Variants in MTMR3 observed in about 807,000 individuals in gnomAD.
MTMR3 encodes myotubularin related protein 3, also known as phosphatidylinositol-3,5-bisphosphate 3-phosphatase MTMR3.
A neutral mutation model predicts 132.4 loss-of-function variants in MTMR3; 32 were observed. The observed-to-expected ratio is 0.24, with a 90% CI of 0.18 to 0.32. The LOEUF (loss-of-function observed/expected upper bound fraction) is 0.32. Ranked by LOEUF, MTMR3 falls within the 10% of genes least tolerant of loss-of-function variation. The probability of loss-of-function intolerance (pLI) is 1.00; values close to 1 mark genes in which losing one functional copy is unlikely to be tolerated. For synonymous variants in MTMR3, 556 were observed against 550.3 expected (o/e 1.01, Z -0.14); for missense variants, 1,216 against 1,489.6 (o/e 0.82, Z 3.02).
intron 1 of MTMR3, among the ~76,000 whole-genome samples, chr22:29,892,876 C>T (rs995542839): frequency 6.6e-6 from 1 of 152,230 alleles, no homozygotes; most frequent in African/African-American, 2.4e-5. Flanking sequence ...CCTTAGGTAA[C>T]ATGATGTATA....
intron 7 of MTMR3, chr22:29,992,565 T>G (rs192806393): frequency 3.3e-5 from 5 of 152,352 alleles, no homozygotes; most frequent in African/African-American, 1.2e-4. Context: ...CATAAAACTT[T>G]GCTGGTCCAA....
intron 1 of MTMR3, among the ~76,000 whole-genome samples, chr22:29,883,774 A>C (rs925406163): frequency 1.3e-5 from 2 of 152,142 alleles, no homozygotes; most frequent in Non-Finnish European, 2.9e-5. Flanking sequence ...GTGGCGGTCC[A>C]TCGTTGCCGG....
intron 1 of MTMR3, among the ~76,000 whole-genome samples, chr22:29,906,286 G>GTCTGTCTATCTATCTATCTA (rs2065099481): frequency 6.7e-5 from 5 of 74,456 alleles, no homozygotes; most frequent in African/African-American, 2.4e-4. Flanking sequence ...CTGTCTGTCT[G>GTCTGTCTATCTATCTATCTA]TCTATCTATC....
At chr22:29,996,275 C>A (rs2067058298) in intron 7 of MTMR3, 1 of 152,186 alleles carries the variant, frequency 6.6e-6, no homozygotes, top group East Asian at 1.9e-4. Flanking sequence ...CATTCCCATT[C>A]CCAAAGAACT....
chr22:29,970,311 T>C (rs2066507448), intron 2 of MTMR3, among the ~76,000 whole-genome samples: 1 of 152,132 alleles, frequency 6.6e-6, no homozygotes, highest in African/African-American at 2.4e-5. Context: ...ACTACAAGAA[T>C]AATGATTTTG....
intron 1 of MTMR3, among the ~76,000 whole-genome samples, chr22:29,933,448 C>CA (rs2065685613): frequency 6.6e-6 from 1 of 152,028 alleles, no homozygotes; most frequent in South Asian, 2.1e-4. Context: ...CGTGCTATCT[C>CA]AGATTTGTAT....
At chr22:29,897,475 C>A (rs893047267) in intron 1 of MTMR3, among the ~76,000 whole-genome samples, 15 of 151,658 alleles carry the variant, frequency 9.9e-5, no homozygotes, top group African/African-American at 3.6e-4. Flanking sequence ...ATTTTTGAGA[C>A]GGGCTCTCAC....
chr22:29,932,943 G>C (rs1268893040), intron 1 of MTMR3, among the ~76,000 whole-genome samples: 1 of 151,854 alleles, frequency 6.6e-6, no homozygotes, highest in Admixed American at 6.6e-5. Context: ...CTAAATACTT[G>C]AGAGTTTATT....
In MTMR3 at chr22:29,935,653, T is replaced by C; in HGVS notation, c.-137-21383T>C. On this transcript the variant is annotated intron_variant, in intron 1 of 19. Transcript: ENST00000401950. Reference sequence around the variant, plus strand: ...AGAATAAAAGAAGGAAAGCAGGAGATCTATTCCTCAGTTATGACTTTTACA... The same window carrying C: ...AGAATAAAAGAAGGAAAGCAGGAGACCTATTCCTCAGTTATGACTTTTACA... 1.3e-5 allele frequency among the ~76,000 whole-genome samples: 2 copies of C among 151,920 alleles called. 1 individual carries two copies. The highest frequency in any genetic ancestry group is 1.3e-4 in the Admixed American group (2 of 15,250).
chr22:29,969,792 A>G (rs1250273681), intron 2 of MTMR3, among the ~76,000 whole-genome samples: 1 of 152,134 alleles, frequency 6.6e-6, no homozygotes, highest in Admixed American at 6.5e-5. Flanking sequence ...GGCCTCCCAG[A>G]ATGCTGGGAT....
intron 1 of MTMR3, among the ~76,000 whole-genome samples, chr22:29,905,815 G>T (rs2065082655): frequency 6.6e-6 from 1 of 151,988 alleles, no homozygotes; most frequent in South Asian, 2.1e-4. Context: ...TGGGGTTTTG[G>T]TGCATATTTT....
chr22:29,928,771 A>G (rs560167209), intron 1 of MTMR3, among the ~76,000 whole-genome samples: 21 of 151,754 alleles, frequency 1.4e-4, no homozygotes, highest in Non-Finnish European at 2.8e-4. Flanking sequence ...CTCCTTGGCC[A>G]CCCAAAGTGC....
chr22:30,013,191 C>T (rs1047802176), intron 13 of MTMR3, 165 bp from the exon 14 acceptor site: 1 of 545,682 alleles, frequency 1.8e-6, no homozygotes, highest in Admixed American at 3.5e-5. Context: ...GGAAATTTCC[C>T]TAAGTGTGTG....
chr22:29,887,345 C>T (rs1489861775), intron 1 of MTMR3, among the ~76,000 whole-genome samples: 1 of 152,138 alleles, frequency 6.6e-6, no homozygotes, highest in African/African-American at 2.4e-5. Context: ...TTCTAACAGA[C>T]TGTGGATCAA....
intron 1 of MTMR3, among the ~76,000 whole-genome samples, chr22:29,895,945 A>G (rs1258224024): frequency 2.0e-5 from 3 of 152,206 alleles, no homozygotes; most frequent in African/African-American, 7.2e-5. Context: ...GTAGAATAAG[A>G]GAAGACAACA....
In MTMR3 at chr22:30,025,764, T is replaced by A. The variant is rs768159510; in HGVS notation, c.3560T>A (p.Leu1187His). The A allele has an allele frequency of 6.2e-7, 1 of 1,614,180 alleles. No homozygotes were observed. Among genetic ancestry groups the A allele is most frequent in the South Asian group, 1.1e-5 (1 of 91,080 alleles). ...CATCCCACAAGCTCCAGCATTGACC[T>A]TGAACTGGATAAGCCCATTGCTGCC... ...SLHPTSSSIDLELDKPIAATS... is the reference protein window; with the variant it reads ...SLHPTSSSIDHELDKPIAATS... The change falls in exon 20 of 20, where the codon CTT becomes CAT. Residue 1187 changes from leucine (L) to histidine (H), a missense_variant. This residue lies in a region of MTMR3 where 852 missense variants were observed against 852.0 expected (regional missense o/e 1.00). Coordinates refer to ENST00000401950, the MANE Select transcript of MTMR3 (RefSeq NM_021090.4).
At chr22:29,898,706 G>A (rs764507494) in intron 1 of MTMR3, among the ~76,000 whole-genome samples, 1 of 151,982 alleles carries the variant, frequency 6.6e-6, no homozygotes, top group Non-Finnish European at 1.5e-5. Flanking sequence ...CCAGCTCCTA[G>A]TAGGTAGTTT....
At chr22:30,010,052 T>C (rs1033977415) in intron 12 of MTMR3, 1 of 152,208 alleles carries the variant, frequency 6.6e-6, no homozygotes, top group African/African-American at 2.4e-5. Context: ...AGCAGTGCCT[T>C]TGGGGAAAGC....
chr22:29,907,000 C>A (rs1030371587), intron 1 of MTMR3, among the ~76,000 whole-genome samples: 8 of 152,042 alleles, frequency 5.3e-5, no homozygotes, highest in South Asian at 2.1e-4. Context: ...ATTGCTTAAA[C>A]CAGGAGACGG....
Sources: allele counts gnomAD v4.1 joint callset (sites outside exome capture counted in the v4.1 genomes callset), GRCh38; gene constraint gnomAD v4.1.1; regional missense constraint gnomAD v4.1.1; transcripts MANE v1.5; gene names NCBI Gene and HGNC (gene_info 2026-07-23, HGNC 2026-07-21).